Variants in NBEA observed in about 807,000 individuals in gnomAD.
NBEA encodes lysosomal-trafficking regulator 2.
NBEA carries 44 observed loss-of-function variants against 343.4 expected under a neutral mutation model. The observed-to-expected ratio is 0.13, with a 90% CI of 0.10 to 0.16. The LOEUF (loss-of-function observed/expected upper bound fraction) is 0.16, where lower values mean the gene tolerates loss of function less well. NBEA is among the 10% of genes least tolerant of loss of function. The pLI is 1.00. For synonymous variants in NBEA, 1,175 were observed against 1,238.7 expected, an observed-to-expected ratio of 0.95 and a Z score of 1.08; for missense variants, 2,555 against 3,631.3, an observed-to-expected ratio of 0.70 and a Z score of 7.62.
chr13:35,425,538 A>G (rs893584566), intron 38 of NBEA, among the ~76,000 whole-genome samples: 3 of 152,150 alleles, frequency 2.0e-5, no homozygotes, highest in African/African-American at 7.2e-5. Context: ...CTGTTCTTTT[A>G]CATTTGCTGA....
rs767143846 is a variant in NBEA at position 34,988,875 on chromosome 13, A to G, written c.294+45761A>G. On this transcript the variant is annotated intron_variant, in intron 1 of 58. Coordinates refer to ENST00000379939, the MANE Select transcript of NBEA (RefSeq NM_001385012.1). ...AACAGCATGTAGCTGAGTCTTTATA[A>G]AAATTAAAAATCCATTGTGACATTC... is the stretch of plus-strand genomic sequence containing the variant. 6.0e-5 allele frequency among the ~76,000 whole-genome samples: 9 copies of G among 150,974 alleles called. 1 individual carries two copies. Among genetic ancestry groups the G allele is most frequent in the Non-Finnish European group, 1.2e-4 (8 of 67,478 alleles).
intron 38 of NBEA, among the ~76,000 whole-genome samples, chr13:35,403,262 C>A (rs2043082088): frequency 6.6e-6 from 1 of 151,720 alleles, no homozygotes; most frequent in African/African-American, 2.4e-5. Context: ...TGATTAATAA[C>A]AAATATTAAT....
chr13:35,453,170 T>A (rs2046390598), intron 40 of NBEA, among the ~76,000 whole-genome samples: 1 of 152,218 alleles, frequency 6.6e-6, no homozygotes, highest in Non-Finnish European at 1.5e-5. Flanking sequence ...TAGTGATTTC[T>A]TTCTACTGGT....
chr13:35,400,184 C>T (rs1353520961), intron 38 of NBEA, among the ~76,000 whole-genome samples: 5 of 117,388 alleles, frequency 4.3e-5, no homozygotes, highest in Non-Finnish European at 8.3e-5. Context: ...GTTGCCACAA[C>T]TCTTCAATTT....
intron 58 of NBEA, among the ~76,000 whole-genome samples, chr13:35,669,914 T>C (rs1255589504): frequency 1.3e-5 from 2 of 151,922 alleles, no homozygotes; most frequent in Non-Finnish European, 2.9e-5. Context: ...GGCTCATCCA[T>C]TCACCAGGCA....
chr13:35,079,779 A>G (rs1230721841), intron 10 of NBEA, among the ~76,000 whole-genome samples: 1 of 152,182 alleles, frequency 6.6e-6, no homozygotes, highest in Admixed American at 6.5e-5. Flanking sequence ...CATTTTATCT[A>G]GAAAGTAGGT....
intron 41 of NBEA, 40 bp downstream of exon 41, chr13:35,472,576 G>C: frequency 6.2e-7 from 1 of 1,612,444 alleles, no homozygotes; most frequent in East Asian, 2.2e-5. Context: ...TGGTGGCTTT[G>C]TGGCAGGAAG....
chr13:35,068,309 A>T (rs1454045518), intron 8 of NBEA, among the ~76,000 whole-genome samples: 2 of 152,186 alleles, frequency 1.3e-5, no homozygotes, highest in African/African-American at 4.8e-5. Context: ...TTACATTTCC[A>T]CAAAATGATT....
chr13:35,161,246 T>C (rs2069538790), intron 22 of NBEA, among the ~76,000 whole-genome samples: 1 of 152,222 alleles, frequency 6.6e-6, no homozygotes, highest in Admixed American at 6.5e-5. Flanking sequence ...GACATTTTTC[T>C]GGTTTGTTTT....
intron 49 of NBEA, among the ~76,000 whole-genome samples, chr13:35,635,670 T>C (rs1433510527): frequency 6.6e-6 from 1 of 152,224 alleles, no homozygotes; most frequent in African/African-American, 2.4e-5. Context: ...TATGTGTTTC[T>C]CACTGCAAAG....
At chr13:35,552,687 C>A (rs1716779599) in intron 43 of NBEA, among the ~76,000 whole-genome samples, 1 of 152,122 alleles carries the variant, frequency 6.6e-6, no homozygotes, top group African/African-American at 2.4e-5. Flanking sequence ...TGTCTTCTGG[C>A]ATATTTCTCA....
chr13:35,636,044 C>T (rs2083677367), intron 49 of NBEA, among the ~76,000 whole-genome samples: 1 of 152,172 alleles, frequency 6.6e-6, no homozygotes, highest in South Asian at 2.1e-4. Context: ...CCATATTTTA[C>T]TCAAGGGAAG....
intron 1 of NBEA, among the ~76,000 whole-genome samples, chr13:34,952,750 C>A (rs1313143064): frequency 6.6e-6 from 1 of 151,958 alleles, no homozygotes; most frequent in Non-Finnish European, 1.5e-5. Flanking sequence ...AGATATATTT[C>A]TCTTTAGCAA....
chr13:35,600,358 A>G (rs1048301563), intron 47 of NBEA, among the ~76,000 whole-genome samples: 7 of 152,150 alleles, frequency 4.6e-5, no homozygotes, highest in African/African-American at 1.7e-4. Flanking sequence ...GCCTCACATA[A>G]CTCAGACTGC....
intron 55 of NBEA, among the ~76,000 whole-genome samples, 196 bp downstream of exon 55, chr13:35,655,945 G>C (rs1267671139): frequency 6.6e-6 from 1 of 152,142 alleles, no homozygotes; most frequent in Non-Finnish European, 1.5e-5. Flanking sequence ...ACAACATGGA[G>C]AGACTTCCAG....
At chr13:35,111,703 CATTT>C (rs1409991808) in intron 13 of NBEA, among the ~76,000 whole-genome samples, 1 of 151,898 alleles carries the variant, frequency 6.6e-6, no homozygotes, top group East Asian at 1.9e-4. Flanking sequence ...AGCATTCTCT[CATTT>C]ATATATGTGT....
rs1210206309 is a variant in NBEA, at chr13:35,459,015, CCCCA to C, written c.6448+6782_6448+6785del. Among the ~76,000 whole-genome samples, 101 of 104,964 alleles carry C rather than the reference CCCCA, an allele frequency of 9.6e-4. 1 individual carries two copies. Among genetic ancestry groups the C allele is most frequent in the African/African-American group, 4.2e-3 (93 of 22,042 alleles). 68.9% of individuals were successfully genotyped at this position (104,964 alleles called of 152,430 possible). On this transcript the variant is annotated intron_variant, in intron 40 of 58. Coordinates refer to ENST00000379939, the MANE Select transcript of NBEA (RefSeq NM_001385012.1). ...TATTTCTTTACCACCGCCCCCCCCC[CCCCA>C]CACACACACACACACACACTTACCA...
chr13:35,664,519 A>G (rs1328404193), intron 55 of NBEA, among the ~76,000 whole-genome samples: 1 of 152,260 alleles, frequency 6.6e-6, no homozygotes, highest in East Asian at 1.9e-4. Flanking sequence ...AAGGCATAAC[A>G]TTCTCTAAGT....
rs1322255279 is a variant in NBEA, at chr13:35,159,147, A to G, written c.2976A>G (p.Thr992=). The G allele has an allele frequency of 1.9e-6, 3 of 1,613,594 alleles. No individual in the cohort carries two copies. The South Asian group carries it at 3.3e-5, about 18-fold the overall frequency. The change falls in exon 22 of 59, where the codon ACA becomes ACG. Residue 992 remains threonine, a synonymous_variant. Coordinates refer to ENST00000379939, the MANE Select transcript of NBEA (RefSeq NM_001385012.1). ...TCTCTGGTCTTTCATCACAGACAAC[A>G]GGAGCAAAAGGTGGAATGGAAATTC... is the stretch of plus-strand genomic sequence containing the variant. ...STISGLSSQT[T]GAKGGMEIRE... is the part of the protein sequence containing the mutation.
Sources: allele counts gnomAD v4.1 joint callset (sites outside exome capture counted in the v4.1 genomes callset), GRCh38; gene constraint gnomAD v4.1.1; transcripts MANE v1.5; gene names NCBI Gene and HGNC (gene_info 2026-07-23, HGNC 2026-07-21).